The following KLF12 variants were observed in gnomAD, a reference collection of about 807,000 sequenced individuals.
KLF12 encodes Krueppel-like factor 12.
In KLF12, 9 loss-of-function variants were observed where a neutral mutation model predicts 37.8. The observed-to-expected ratio is 0.24, with a 90% CI of 0.14 to 0.42. The LOEUF is 0.42. Ranked by LOEUF, KLF12 falls within the 10% of genes least tolerant of loss-of-function variation. The probability of loss-of-function intolerance (pLI) is 1.00; values close to 1 mark genes in which losing one functional copy is unlikely to be tolerated. For synonymous variants in KLF12, 208 were observed against 202.1 expected (o/e 1.03, Z -0.25); for missense variants, 411 against 516.0 (o/e 0.80, Z 1.97).
chr13:73,725,112 A>AT lies in KLF12; in HGVS notation c.870-9588dup, dbSNP rs534557085. Among the ~76,000 whole-genome samples, 9 of 151,998 alleles carry AT rather than the reference A, an allele frequency of 5.9e-5. No homozygotes were observed. The East Asian group carries it at 1.7e-3, about 29-fold the overall frequency. ...AATTTTATATAGTATTTTATTTTTT[A>AT]TTTTTTTGAGACGGAGTCTTGCTCT... On this transcript the variant is annotated intron_variant, in intron 6 of 7. Transcript: ENST00000377669.
intron 5 of KLF12, among the ~76,000 whole-genome samples, chr13:73,795,358 C>T (rs1881903899): frequency 1.3e-5 from 2 of 152,168 alleles, no homozygotes; most frequent in Non-Finnish European, 2.9e-5. Flanking sequence ...AAAGGAAATG[C>T]CTCTTGTCAT....
chr13:73,993,261 C>G (rs1892021023), intron 2 of KLF12, among the ~76,000 whole-genome samples: 1 of 152,158 alleles, frequency 6.6e-6, no homozygotes. Context: ...ATTAAATACT[C>G]ACTGCTCCTT....
intron 1 of KLF12, among the ~76,000 whole-genome samples, chr13:74,021,688 A>G (rs548481862): frequency 2.0e-5 from 3 of 152,346 alleles, no homozygotes; most frequent in Non-Finnish European, 2.9e-5. Context: ...CCTTTTATTC[A>G]GGAAGTCGCT....
At chr13:73,784,458 C>G (rs999078877) in intron 5 of KLF12, among the ~76,000 whole-genome samples, 1 of 151,528 alleles carries the variant, frequency 6.6e-6, no homozygotes, top group Non-Finnish European at 1.5e-5. Context: ...CTTCTACTTC[C>G]ATAACTCTAA....
At chr13:74,295,447 G>A in the KLF12 span, among the ~76,000 whole-genome samples, 1 of 152,256 alleles carries the variant, frequency 6.6e-6, no homozygotes. Context: ...AGGAGCCTGA[G>A]CCTTTGTACT....
At chr13:74,178,335 G>GTTTGT in the KLF12 span, among the ~76,000 whole-genome samples, 26 of 150,136 alleles carry the variant, frequency 1.7e-4, no homozygotes, top group Non-Finnish European at 3.2e-4. Flanking sequence ...TTGTTTGTTT[G>GTTTGT]TTTGTTTTGT....
At chr13:74,242,342 G>A in the KLF12 span, among the ~76,000 whole-genome samples, 13 of 152,216 alleles carry the variant, frequency 8.5e-5, no homozygotes, top group Non-Finnish European at 1.9e-4. Context: ...GGGCTGGGGA[G>A]GCCTCACAAT....
At chr13:74,101,120 C>G (rs745994937) in intron 1 of KLF12, among the ~76,000 whole-genome samples, 1 of 152,116 alleles carries the variant, frequency 6.6e-6, no homozygotes, top group African/African-American at 2.4e-5. Context: ...CTTCCCCTTA[C>G]CTTCCTATAG....
the KLF12 span, among the ~76,000 whole-genome samples, chr13:74,294,330 T>C: frequency 6.6e-6 from 1 of 152,184 alleles, no homozygotes; most frequent in East Asian, 1.9e-4. Flanking sequence ...TTAGATGACA[T>C]AATGTCACAT....
intron 1 of KLF12, among the ~76,000 whole-genome samples, chr13:74,073,609 GT>G (rs549986673): frequency 7.2e-4 from 109 of 152,150 alleles, no homozygotes; most frequent in Admixed American, 3.0e-3. Flanking sequence ...TACCCAAAGG[GT>G]TACCAAACAA....
the KLF12 span, among the ~76,000 whole-genome samples, chr13:74,301,936 T>G: frequency 1.3e-5 from 2 of 152,138 alleles, no homozygotes; most frequent in Non-Finnish European, 2.9e-5. Context: ...CTCCATGCCT[T>G]GAAGGGTTTA....
intron 2 of KLF12, among the ~76,000 whole-genome samples, chr13:73,959,792 T>C (rs1242056172): frequency 6.6e-6 from 1 of 152,124 alleles, no homozygotes; most frequent in Non-Finnish European, 1.5e-5. Context: ...AACAAAGATA[T>C]TGCTTCTAGA....
chr13:74,023,620 C>T (rs1284531893), intron 1 of KLF12, among the ~76,000 whole-genome samples: 1 of 152,178 alleles, frequency 6.6e-6, no homozygotes, highest in African/African-American at 2.4e-5. Context: ...ACATGGTGCT[C>T]TCCCTATGTG....
intron 3 of KLF12, among the ~76,000 whole-genome samples, chr13:73,938,223 C>T (rs542655776): frequency 3.3e-5 from 5 of 152,064 alleles, no homozygotes; most frequent in East Asian, 1.9e-4. Flanking sequence ...TGTCTTACTA[C>T]GCCTTTACGC....
the KLF12 span, among the ~76,000 whole-genome samples, chr13:74,169,794 A>G: frequency 6.6e-6 from 1 of 152,216 alleles, no homozygotes; most frequent in South Asian, 2.1e-4. Context: ...GGAGGAAGAG[A>G]CACCATGAAC....
At chr13:74,082,887 G>C (rs1593884764) in intron 1 of KLF12, among the ~76,000 whole-genome samples, 2 of 152,164 alleles carry the variant, frequency 1.3e-5, no homozygotes, top group Admixed American at 1.3e-4. Flanking sequence ...AGTTAGGTTA[G>C]TTAAAAATTC....
chr13:73,998,766 TTC>T (rs1892189934), intron 1 of KLF12, among the ~76,000 whole-genome samples: 1 of 152,252 alleles, frequency 6.6e-6, no homozygotes, highest in Admixed American at 6.5e-5. Flanking sequence ...TTAAAGCTAT[TTC>T]TGTTTCATCT....
intron 6 of KLF12, among the ~76,000 whole-genome samples, chr13:73,730,534 A>G (rs1240868410): frequency 6.6e-6 from 1 of 152,080 alleles, no homozygotes; most frequent in Non-Finnish European, 1.5e-5. Context: ...AACTTATTAT[A>G]TATGTAAATA....
At chr13:73,993,344 T>G (rs917258157) in intron 2 of KLF12, among the ~76,000 whole-genome samples, 1 of 152,192 alleles carries the variant, frequency 6.6e-6, no homozygotes, top group Non-Finnish European at 1.5e-5. Context: ...TCACATAAAT[T>G]ACAGTCAATC....
Sources: allele counts gnomAD v4.1 joint callset (sites outside exome capture counted in the v4.1 genomes callset), GRCh38; gene constraint gnomAD v4.1.1; transcripts MANE v1.5; gene names NCBI Gene and HGNC (gene_info 2026-07-23, HGNC 2026-07-21).